The following APBA1 variants were observed in gnomAD, a reference collection of about 807,000 sequenced individuals.
APBA1 encodes amyloid-beta A4 precursor protein-binding family A member 1.
In APBA1, 55 loss-of-function variants were observed where a neutral mutation model predicts 86.6. That is an observed-to-expected ratio of 0.64 (90% CI 0.51 to 0.80). The LOEUF is 0.80. Ranked by LOEUF, APBA1 falls within the 30% of genes least tolerant of loss-of-function variation. The pLI is 0.00. For synonymous variants in APBA1, 511 were observed against 493.9 expected (o/e 1.03, Z -0.46); for missense variants, 1,090 against 1,183.0 (o/e 0.92, Z 1.15).
chr9:69,665,282 G>A (rs1239302238), intron 1 of APBA1, among the ~76,000 whole-genome samples: 1 of 152,094 alleles, frequency 6.6e-6, no homozygotes, highest in Non-Finnish European at 1.5e-5. Flanking sequence ...ACCTCTTAAT[G>A]GGCTTTCTTC....
At chr9:69,525,418 G>T (rs1042146677) in intron 1 of APBA1, among the ~76,000 whole-genome samples, 5 of 151,938 alleles carry the variant, frequency 3.3e-5, no homozygotes, top group African/African-American at 1.2e-4. Context: ...AAAATCAGTA[G>T]CACATCTATG....
intron 1 of APBA1, among the ~76,000 whole-genome samples, chr9:69,604,091 T>C (rs1420531317): frequency 2.6e-5 from 4 of 152,226 alleles, no homozygotes; most frequent in African/African-American, 4.8e-5. Flanking sequence ...AAGCAGTGTA[T>C]AGTGAGGACA....
intron 1 of APBA1, among the ~76,000 whole-genome samples, chr9:69,645,500 G>A (rs569048914): frequency 1.3e-5 from 2 of 152,320 alleles, no homozygotes; most frequent in African/African-American, 2.4e-5. Flanking sequence ...AGGCAAGATC[G>A]TCTACCTGAA....
chr9:69,454,075 A>G (rs1835055993), intron 8 of APBA1, among the ~76,000 whole-genome samples: 1 of 152,254 alleles, frequency 6.6e-6, no homozygotes, highest in Admixed American at 6.5e-5. Flanking sequence ...AAATCTCTAG[A>G]GCGGTGTTTT....
At chr9:69,536,963 C>T (rs376449900) in intron 1 of APBA1, among the ~76,000 whole-genome samples, 10 of 150,362 alleles carry the variant, frequency 6.7e-5, no homozygotes, top group African/African-American at 7.3e-5. Context: ...CCAATCTGCA[C>T]GCCTCTCCTG....
At chr9:69,668,658 C>G (rs2134033204) in intron 1 of APBA1, among the ~76,000 whole-genome samples, 1 of 152,354 alleles carries the variant, frequency 6.6e-6, no homozygotes, top group East Asian at 1.9e-4. Context: ...GCTTGGCGTA[C>G]AAGTTGCTCC....
At chr9:69,456,481 C>T (rs778545929) in intron 7 of APBA1, 49 bp from the exon 8 acceptor site, 1 of 1,516,898 alleles carries the variant, frequency 6.6e-7, no homozygotes, top group Non-Finnish European at 8.8e-7. Context: ...CATCTAATGA[C>T]CTAAGAAAGC....
At chr9:69,666,491 T>C (rs1331607214) in intron 1 of APBA1, among the ~76,000 whole-genome samples, 1 of 152,194 alleles carries the variant, frequency 6.6e-6, no homozygotes, top group Non-Finnish European at 1.5e-5. Flanking sequence ...TATTTATTTT[T>C]AATCTCCTTC....
At chr9:69,511,016 G>C (rs1272818103) in intron 2 of APBA1, among the ~76,000 whole-genome samples, 2 of 150,976 alleles carry the variant, frequency 1.3e-5, no homozygotes, top group African/African-American at 2.4e-5. Context: ...GCATGGGCAA[G>C]GACTTCATGT....
chr9:69,471,796 GCAGT>G, intron 3 of APBA1, 101 bp from the exon 4 acceptor site: 1 of 901,584 alleles, frequency 1.1e-6, no homozygotes, highest in Non-Finnish European at 1.7e-6. Flanking sequence ...ATAATCAGTG[GCAGT>G]TACCAATTAT....
intron 3 of APBA1, 88 bp downstream of exon 3, chr9:69,475,960 G>A (rs1181524839): frequency 1.3e-5 from 13 of 1,029,102 alleles, no homozygotes; most frequent in Middle Eastern, 2.0e-4. Flanking sequence ...GGTCAGGAGC[G>A]CTGTAGGATG....
intron 1 of APBA1, among the ~76,000 whole-genome samples, chr9:69,594,254 TA>T (rs1452852788): frequency 6.6e-6 from 1 of 152,160 alleles, no homozygotes; most frequent in Admixed American, 6.6e-5. Flanking sequence ...GGGGTGTCTT[TA>T]AAATGCAGAT....
intron 1 of APBA1, among the ~76,000 whole-genome samples, chr9:69,548,331 C>T (rs139551060): frequency 9.7e-4 from 147 of 152,316 alleles, no homozygotes; most frequent in African/African-American, 3.5e-3. Flanking sequence ...CCAGAAAGGA[C>T]AGAGCCCTGC....
At chr9:69,642,254 C>T (rs1467927558) in intron 1 of APBA1, among the ~76,000 whole-genome samples, 1 of 152,140 alleles carries the variant, frequency 6.6e-6, no homozygotes, top group Non-Finnish European at 1.5e-5. Context: ...ACATAAACAA[C>T]CCTTACAACT....
chr9:69,538,504 A>C (rs1384263551), intron 1 of APBA1, among the ~76,000 whole-genome samples: 1 of 152,158 alleles, frequency 6.6e-6, no homozygotes, highest in Admixed American at 6.5e-5. Context: ...GGAGATGAGA[A>C]CTCAAGTGGC....
chr9:69,655,893 ATCTTG>A (rs1823599022), intron 1 of APBA1, among the ~76,000 whole-genome samples: 1 of 152,208 alleles, frequency 6.6e-6, no homozygotes, highest in African/African-American at 2.4e-5. Context: ...AGAAAAGAGG[ATCTTG>A]AAAGTTATCG....
At chr9:69,617,763 T>C (rs1421877530) in intron 1 of APBA1, among the ~76,000 whole-genome samples, 2 of 152,178 alleles carry the variant, frequency 1.3e-5, no homozygotes, top group African/African-American at 2.4e-5. Context: ...TGTGGTAATA[T>C]ATAATATGAA....
In APBA1 at chr9:69,619,613, C is replaced by T. The variant is rs1474123289; in HGVS notation, c.-70+52540G>A. Among the ~76,000 whole-genome samples the T allele has an allele frequency of 7.9e-5, 12 of 152,310 alleles. 1 individual carries two copies. In the South Asian group the frequency reaches 1.9e-3, roughly 24 times the overall value. On this transcript the variant is annotated intron_variant, in intron 1 of 12. Transcript: ENST00000265381. ...TTGTCTCAAAGAGCACACAAAAAAT[C>T]AGTTATTCAGACACAGGCTCCCTCC...
chr9:69,543,139 A>G (rs934592572), intron 1 of APBA1, among the ~76,000 whole-genome samples: 5 of 152,188 alleles, frequency 3.3e-5, no homozygotes, highest in African/African-American at 9.6e-5. Flanking sequence ...ACAGCACTCA[A>G]TGGATTTAAA....
Sources: gnomAD v4.1 joint callset for allele counts (sites outside exome capture counted in the v4.1 genomes callset) on GRCh38, gnomAD v4.1.1 for gene constraint, MANE v1.5 for transcripts, NCBI Gene and HGNC (gene_info 2026-07-23, HGNC 2026-07-21) for gene names.